C9orf85: variants seen among roughly 807,000 people sequenced by gnomAD.
The protein encoded by C9orf85 is uncharacterized protein C9orf85.
A neutral mutation model predicts 14.9 loss-of-function variants in C9orf85; 16 were observed. That is an observed-to-expected ratio of 1.08 (90% CI 0.73 to 1.63). The LOEUF is 1.63. Ranked by LOEUF, C9orf85 falls within the 40% of genes most tolerant of loss-of-function variation. The pLI, the probability that C9orf85 is intolerant of heterozygous loss-of-function variation, is 0.00. For missense variants in C9orf85, 172 were observed against 186.1 expected (o/e 0.92, Z 0.44); for synonymous variants, 45 against 56.8 (o/e 0.79, Z 0.93).
At chr9:71,942,361 C>T (rs1334792998) in intron 1 of C9orf85, among the ~76,000 whole-genome samples, 2 of 152,168 alleles carry the variant, frequency 1.3e-5, no homozygotes, top group Non-Finnish European at 2.9e-5. Flanking sequence ...GGATTTTTGG[C>T]ATGTTACAGA....
chr9:71,975,441 CAAA>C (rs35034545), downstream of C9orf85, among the ~76,000 whole-genome samples: 3 of 94,472 alleles, frequency 3.2e-5, no homozygotes, highest in East Asian at 7.8e-4. Flanking sequence ...GACTCCATCT[CAAA>C]AAAAAAAAAA....
At chr9:71,922,376 A>G (rs1231256342) in intron 1 of C9orf85, among the ~76,000 whole-genome samples, 1 of 152,154 alleles carries the variant, frequency 6.6e-6, no homozygotes, top group Non-Finnish European at 1.5e-5. Flanking sequence ...TACCTTCTAC[A>G]ATTTATAGTC....
chr9:71,975,813 C>A (rs1039417006), downstream of C9orf85, among the ~76,000 whole-genome samples: 3 of 152,374 alleles, frequency 2.0e-5, no homozygotes, highest in South Asian at 4.1e-4. Flanking sequence ...GCCTGGGGAA[C>A]AAGAGTGAAA....
At chr9:71,929,305 C>T (rs531557859) in intron 1 of C9orf85, among the ~76,000 whole-genome samples, 2 of 152,260 alleles carry the variant, frequency 1.3e-5, no homozygotes, top group Non-Finnish European at 2.9e-5. Flanking sequence ...TGGTTTGTCT[C>T]TTTTAAGATC....
At chr9:71,925,709 A>G (rs1368658331) in intron 1 of C9orf85, among the ~76,000 whole-genome samples, 4 of 152,250 alleles carry the variant, frequency 2.6e-5, no homozygotes, top group Non-Finnish European at 5.9e-5. Flanking sequence ...CAGATTATCT[A>G]TAAGAAATGA....
intron 1 of C9orf85, among the ~76,000 whole-genome samples, chr9:71,927,302 G>A (rs1049866629): frequency 1.3e-5 from 2 of 149,820 alleles, no homozygotes; most frequent in Non-Finnish European, 3.0e-5. Flanking sequence ...ATTTAGGGGT[G>A]TACTCCAGAA....
intron 1 of C9orf85, among the ~76,000 whole-genome samples, chr9:71,945,956 A>G (rs1822076658): frequency 6.6e-6 from 1 of 152,232 alleles, no homozygotes; most frequent in South Asian, 2.1e-4. Flanking sequence ...TCAAATGAGT[A>G]TGTTACAAAA....
intron 2 of C9orf85, among the ~76,000 whole-genome samples, chr9:71,952,298 T>C (rs1822264058): frequency 1.3e-5 from 2 of 152,236 alleles, no homozygotes; most frequent in Admixed American, 1.3e-4. Context: ...TTTATGGACA[T>C]TGTCTGCTGT....
At chr9:71,951,146 A>G (rs1047180813) in intron 2 of C9orf85, among the ~76,000 whole-genome samples, 1 of 152,132 alleles carries the variant, frequency 6.6e-6, no homozygotes, top group Non-Finnish European at 1.5e-5. Context: ...TATTTTTATA[A>G]ACATGTTCTT....
At chr9:71,918,762 C>T (rs1474084215) in intron 1 of C9orf85, among the ~76,000 whole-genome samples, 1 of 152,178 alleles carries the variant, frequency 6.6e-6, no homozygotes, top group Non-Finnish European at 1.5e-5. Context: ...TCCCATCACC[C>T]CCAGATGGGA....
At chr9:71,930,746 A>G (rs896769619) in intron 1 of C9orf85, among the ~76,000 whole-genome samples, 7 of 148,134 alleles carry the variant, frequency 4.7e-5, no homozygotes, top group Non-Finnish European at 8.9e-5. Context: ...TGGAGGCTAC[A>G]GTGAGCCGTG....
At chr9:71,938,423 CAGTTG>C (rs758851881) in intron 1 of C9orf85, among the ~76,000 whole-genome samples, 34 of 152,020 alleles carry the variant, frequency 2.2e-4, no homozygotes, top group Admixed American at 1.8e-3. Flanking sequence ...AAATATAAGT[CAGTTG>C]AGTTGAGTAA....
downstream of C9orf85, among the ~76,000 whole-genome samples, chr9:71,973,887 T>TA (rs1387164435): frequency 6.6e-6 from 1 of 150,718 alleles, no homozygotes; most frequent in Non-Finnish European, 1.5e-5. Context: ...CTTCTTTTTT[T>TA]ATTACGTTTC....
At position 71,971,582 on chromosome 9, in the gene C9orf85, G is replaced by C. The variant is rs1822867006; in HGVS notation, c.287G>C (p.Cys96Ser). Residue 96 changes from cysteine to serine, a missense_variant, in exon 3 of 4, where the codon TGC becomes TCC. Transcript: ENST00000334731. ...CRPCACELEV[C>S]AKCGKKEDIV... ...CCATGTGCCTGTGAACTTGAAGTTT[G>C]CGCAAAATGTGGAAAGAAAGAAGAC... 1 of 1,612,590 alleles carries C rather than the reference G, an allele frequency of 6.2e-7. No homozygotes were observed. Among genetic ancestry groups the C allele is most frequent in the Non-Finnish European group, 8.5e-7 (1 of 1,179,192 alleles).
intron 2 of C9orf85, among the ~76,000 whole-genome samples, chr9:71,950,219 C>T (rs1240520517): frequency 6.6e-6 from 1 of 152,158 alleles, no homozygotes; most frequent in Non-Finnish European, 1.5e-5. Context: ...CATATTAAGA[C>T]TTGACCAACA....
chr9:71,978,091 AT>A (rs1462004423), downstream of C9orf85, among the ~76,000 whole-genome samples: 1 of 152,206 alleles, frequency 6.6e-6, no homozygotes, highest in Non-Finnish European at 1.5e-5. Flanking sequence ...TTATATGTAA[AT>A]CATTTAAATA....
downstream of C9orf85, among the ~76,000 whole-genome samples, chr9:71,977,917 AATC>A (rs1823034795): frequency 6.6e-6 from 1 of 152,186 alleles, no homozygotes; most frequent in South Asian, 2.1e-4. Flanking sequence ...TACTGAAAAA[AATC>A]ATACCTTTCC....
intron 1 of C9orf85, among the ~76,000 whole-genome samples, chr9:71,943,436 A>AAT (rs1477677299): frequency 6.6e-6 from 1 of 152,188 alleles, no homozygotes; most frequent in East Asian, 1.9e-4. Context: ...GATACTTTAT[A>AAT]AAATATTTTT....
chr9:71,982,673 T>C (rs1323601515), exon 4 of C9orf85: 10 of 370,782 alleles, frequency 2.7e-5, no homozygotes, highest in Non-Finnish European at 4.6e-5. Flanking sequence ...TCTCCCTCTG[T>C]TGCCCAGGCT....
Sources: allele counts gnomAD v4.1 joint callset (sites outside exome capture counted in the v4.1 genomes callset), GRCh38; gene constraint gnomAD v4.1.1; transcripts MANE v1.5; gene names NCBI Gene and HGNC (gene_info 2026-07-23, HGNC 2026-07-21).